EPB41L5: variants seen among roughly 807,000 people sequenced by gnomAD.
The protein encoded by EPB41L5 is erythrocyte membrane protein band 4.1 like 5, also known as band 4.1-like protein 5.
In EPB41L5, 55 loss-of-function variants were observed where a neutral mutation model predicts 106.6. The observed-to-expected ratio is 0.52, with a 90% CI of 0.42 to 0.65. The LOEUF is 0.65. EPB41L5 is among the 30% of genes least tolerant of loss of function. The probability of loss-of-function intolerance (pLI) is 0.00; values close to 1 mark genes in which losing one functional copy is unlikely to be tolerated. For missense variants in EPB41L5, 871 were observed against 882.1 expected, an observed-to-expected ratio of 0.99 and a Z score of 0.16; for synonymous variants, 297 against 306.7, an observed-to-expected ratio of 0.97 and a Z score of 0.33.
chr2:120,148,240 T>C (rs1163825797), intron 20 of EPB41L5, among the ~76,000 whole-genome samples: 1 of 152,072 alleles, frequency 6.6e-6, no homozygotes, highest in Non-Finnish European at 1.5e-5. Context: ...TGTGCAACCA[T>C]TACCACTATA....
chr2:120,122,297 T>C (rs1416499115), intron 16 of EPB41L5, among the ~76,000 whole-genome samples: 1 of 152,246 alleles, frequency 6.6e-6, no homozygotes, highest in Non-Finnish European at 1.5e-5. Context: ...TCTATGGTTT[T>C]TATGGTTTTA....
At chr2:120,069,124 GTC>G (rs1339982371) in intron 3 of EPB41L5, among the ~76,000 whole-genome samples, 13 of 88,024 alleles carry the variant, frequency 1.5e-4, no homozygotes, top group African/African-American at 7.3e-4. Flanking sequence ...GTGAAACTCT[GTC>G]TCAAAAAAAA....
chr2:120,076,658 C>G (rs1052844709), intron 7 of EPB41L5, among the ~76,000 whole-genome samples: 1 of 151,666 alleles, frequency 6.6e-6, no homozygotes, highest in Non-Finnish European at 1.5e-5. Context: ...TAAATTTTTT[C>G]ATTTATTCAC....
intron 2 of EPB41L5, among the ~76,000 whole-genome samples, chr2:120,036,966 G>A (rs1451868401): frequency 6.6e-6 from 1 of 151,936 alleles, no homozygotes; most frequent in Non-Finnish European, 1.5e-5. Flanking sequence ...GTTCAACATA[G>A]TACTGGAACT....
chr2:120,048,470 A>T (rs1679982713), intron 3 of EPB41L5, among the ~76,000 whole-genome samples: 1 of 151,534 alleles, frequency 6.6e-6, no homozygotes, highest in African/African-American at 2.4e-5. Context: ...GTATTCTCTG[A>T]TGGTAGTTTG....
chr2:120,116,516 A>G (rs1287352236), intron 16 of EPB41L5, among the ~76,000 whole-genome samples: 1 of 152,000 alleles, frequency 6.6e-6, no homozygotes, highest in Non-Finnish European at 1.5e-5. Flanking sequence ...CTTAAAAGTA[A>G]TGATGAATGG....
chr2:120,142,474 G>A (rs946549986), intron 18 of EPB41L5, among the ~76,000 whole-genome samples: 1 of 152,182 alleles, frequency 6.6e-6, no homozygotes, highest in Non-Finnish European at 1.5e-5. Flanking sequence ...AGCGAGGACA[G>A]TGGGTGCAAT....
chr2:120,081,291 T>C (rs1682643681), intron 10 of EPB41L5, among the ~76,000 whole-genome samples: 1 of 152,116 alleles, frequency 6.6e-6, no homozygotes, highest in Admixed American at 6.5e-5. Context: ...TTGTATAAGG[T>C]GTAAGGAAGG....
chr2:120,070,072 A>G (rs1681751806), intron 3 of EPB41L5, among the ~76,000 whole-genome samples: 1 of 151,964 alleles, frequency 6.6e-6, no homozygotes, highest in Non-Finnish European at 1.5e-5. Context: ...TTAACAAAAT[A>G]GATAGACCAC....
chr2:120,143,798 A>G lies in EPB41L5; in HGVS notation c.1728+667A>G, dbSNP rs180842050. Reference sequence around the variant, plus strand: ...TTTCCATTTTCTCCCCAGAATATAAACATGTTTTACAACATATTTACATAT... The same window carrying G: ...TTTCCATTTTCTCCCCAGAATATAAGCATGTTTTACAACATATTTACATAT... On this transcript the variant is annotated intron_variant, in intron 19 of 24. Coordinates refer to ENST00000263713, the MANE Select transcript of EPB41L5 (RefSeq NM_020909.4). Among the ~76,000 whole-genome samples, 33 of 152,298 alleles carry G rather than the reference A, an allele frequency of 2.2e-4. 1 individual carries two copies. In the East Asian group the frequency reaches 3.5e-3, roughly 16 times the overall value.
intron 3 of EPB41L5, among the ~76,000 whole-genome samples, chr2:120,050,390 C>G (rs575222009): frequency 5.3e-5 from 8 of 152,248 alleles, no homozygotes; most frequent in African/African-American, 9.6e-5. Flanking sequence ...CTAAACTTCT[C>G]ACTTCATTTC....
chr2:120,061,384 G>A (rs556872434), intron 3 of EPB41L5, among the ~76,000 whole-genome samples: 27 of 151,150 alleles, frequency 1.8e-4, no homozygotes, highest in African/African-American at 5.8e-4. Context: ...CACTACGCCC[G>A]GCTAATTTTT....
rs1267354067 is a variant in EPB41L5, at chr2:120,167,972, T to C, written c.2100T>C (p.Ser700=). Residue 700 remains serine, a synonymous_variant, in exon 24 of 25, where the codon TCT becomes TCC. Coordinates refer to ENST00000263713, the MANE Select transcript of EPB41L5 (RefSeq NM_020909.4). ...ATAAAGATGGAATCTCACTGATCTC[T>C]CCCCCAGCGCCATTCTTGGTAGATG... ...HGNKDGISLI[S]PPAPFLVDAV... 6.2e-7 allele frequency: 1 copy of C among 1,613,986 alleles called. No homozygotes were observed. Among genetic ancestry groups the C allele is most frequent in the Non-Finnish European group, 8.5e-7 (1 of 1,179,936 alleles).
intron 10 of EPB41L5, among the ~76,000 whole-genome samples, chr2:120,084,627 A>G (rs1483041926): frequency 6.6e-6 from 1 of 152,106 alleles, no homozygotes; most frequent in Non-Finnish European, 1.5e-5. Context: ...CTGGAGGAGT[A>G]TCTTTGTGGT....
At chr2:120,112,913 A>T (rs1188839957) in intron 16 of EPB41L5, among the ~76,000 whole-genome samples, 1 of 152,230 alleles carries the variant, frequency 6.6e-6, no homozygotes, top group African/African-American at 2.4e-5. Context: ...CTGGGCTTCA[A>T]ACTCAAGACA....
rs185418319 is a variant in EPB41L5, at chr2:120,081,680, A to T, written c.803+3099A>T. ...GTTAGCTTGATGGGGATGGCATTGA[A>T]TCTATAAATTACCTTGGGCAGTATG... On this transcript the variant is annotated intron_variant, in intron 10 of 24. Transcript: ENST00000263713. Among the ~76,000 whole-genome samples, 1,477 of 152,266 alleles carry T rather than the reference A, an allele frequency of 9.7e-3. 19 individuals are homozygous for T. The highest frequency in any genetic ancestry group is 0.015 in the Non-Finnish European group (1,004 of 68,028).
rs935005674 is a variant in EPB41L5 at position 120,013,202 on chromosome 2, C to G, written c.-17C>G. ...TCTGGTCGCCGGGGCTGCGCCGTCCCCAGCTCAGGTAAGCGCGAGGCCCGG... is the reference window on the plus strand; with the variant it reads ...TCTGGTCGCCGGGGCTGCGCCGTCCGCAGCTCAGGTAAGCGCGAGGCCCGG... On this transcript the variant is annotated 5_prime_UTR_variant, in exon 1 of 25. Coordinates refer to ENST00000263713, the MANE Select transcript of EPB41L5 (RefSeq NM_020909.4). The G allele has an allele frequency of 8.5e-5, 13 of 152,226 alleles. No individual in the cohort carries two copies. Among genetic ancestry groups the G allele is most frequent in the Non-Finnish European group, 1.5e-4 (10 of 68,186 alleles). 9.4% of individuals were successfully genotyped at this position (152,226 alleles called of 1,614,324 possible).
intron 2 of EPB41L5, among the ~76,000 whole-genome samples, chr2:120,040,445 G>C (rs1679331655): frequency 6.6e-6 from 1 of 152,136 alleles, no homozygotes; most frequent in Non-Finnish European, 1.5e-5. Context: ...TGTGAACCTT[G>C]ACATTTCTAC....
intron 16 of EPB41L5, among the ~76,000 whole-genome samples, chr2:120,109,931 A>G (rs1417655808): frequency 1.3e-5 from 2 of 152,234 alleles, no homozygotes; most frequent in East Asian, 3.9e-4. Flanking sequence ...ATTTAGGAGA[A>G]TGATGTTCAC....
Sources: gnomAD v4.1 joint callset for allele counts (sites outside exome capture counted in the v4.1 genomes callset) on GRCh38, gnomAD v4.1.1 for gene constraint, MANE v1.5 for transcripts, NCBI Gene and HGNC (gene_info 2026-07-23, HGNC 2026-07-21) for gene names.